KIF13A: variants seen among roughly 807,000 people sequenced by gnomAD.
KIF13A encodes kinesin-like protein KIF13A.
A neutral mutation model predicts 212.2 loss-of-function variants in KIF13A; 79 were observed. That is an observed-to-expected ratio of 0.37 (90% CI 0.31 to 0.45). The LOEUF is 0.45. Ranked by LOEUF, KIF13A falls within the 20% of genes least tolerant of loss-of-function variation. KIF13A has a pLI of 1.00. For synonymous variants in KIF13A, 789 were observed against 808.6 expected (o/e 0.98, Z 0.41); for missense variants, 1,901 against 2,209.0 (o/e 0.86, Z 2.79).
rs766252941 is a variant in KIF13A, at chr6:17,764,074, G to A, written c.*36C>T. 2 of 1,588,992 alleles carry A rather than the reference G, an allele frequency of 1.3e-6. No homozygotes were observed. The highest frequency in any genetic ancestry group is 3.5e-5 in the Admixed American group (2 of 57,432). On this transcript the variant is annotated 3_prime_UTR_variant, in exon 39 of 39. Transcript: ENST00000259711. This position sits in a 1 kb window ranked among gnomAD's most constrained non-coding sequence, Gnocchi z 5.1. The stretch of plus-strand genomic sequence containing the variant: ...ATCTTTCCTACCAAGTTGTTGCGGT[G>A]AAGGGCCTCTGGGGTTGACATACAG...
Position 17,794,931 on chromosome 6 carries a change from G to C in KIF13A, c.2943-227C>G. The C allele has an allele frequency of 2.1e-6, 1 of 478,280 alleles. No individual in the cohort carries two copies. 29.6% of individuals were successfully genotyped at this position (478,280 alleles called of 1,614,324 possible). On this transcript the variant is annotated intron_variant, in intron 23 of 38. Transcript: ENST00000259711. This position sits in a 1 kb window ranked among gnomAD's most constrained non-coding sequence, Gnocchi z 4.1. ...TGTCCACATCTTGAGTATAGAGCTC[G>C]ATGAGTTTTGAGAAATGCACATATG...
rs567560534 is a variant in KIF13A at position 17,825,451 on chromosome 6, C to T, written c.1786+317G>A. 2.0e-4 allele frequency among the ~76,000 whole-genome samples: 30 copies of T among 152,098 alleles called. No homozygotes were observed. The highest frequency in any genetic ancestry group is 3.4e-3 in the Middle Eastern group (1 of 294). On this transcript the variant is annotated intron_variant, in intron 16 of 38. Transcript: ENST00000259711. This position sits in a 1 kb window ranked among gnomAD's most constrained non-coding sequence, Gnocchi z 4.5. ...CTCAAGGATTCAGATATGACAGGCT[C>T]GATGATGAGAAATTTGGTAAGGAAT...
At chr6:17,868,237 A>G (rs1248546299) in intron 4 of KIF13A, among the ~76,000 whole-genome samples, 4 of 152,184 alleles carry the variant, frequency 2.6e-5, no homozygotes, top group African/African-American at 9.7e-5. Flanking sequence ...TTTTGATATG[A>G]AGATTTCTGT....
At chr6:17,866,580 T>C (rs1769391067) in intron 4 of KIF13A, among the ~76,000 whole-genome samples, 1 of 152,114 alleles carries the variant, frequency 6.6e-6, no homozygotes, top group South Asian at 2.1e-4. Context: ...TCTACCTGAC[T>C]GGGTGCTTTG....
At chr6:17,851,765 C>A (rs978906372) in intron 7 of KIF13A, among the ~76,000 whole-genome samples, 190 bp downstream of exon 7, 1 of 152,248 alleles carries the variant, frequency 6.6e-6, no homozygotes, top group African/African-American at 2.4e-5. Context: ...AAAACCTTCA[C>A]AACAAAGCAG....
chr6:17,862,911 G>C (rs889204748), intron 4 of KIF13A, among the ~76,000 whole-genome samples: 2 of 152,196 alleles, frequency 1.3e-5, no homozygotes, highest in Non-Finnish European at 1.5e-5. Context: ...TCGCGCCACT[G>C]CACTCCAGCT....
intron 29 of KIF13A, among the ~76,000 whole-genome samples, chr6:17,781,936 T>C (rs375322403): frequency 1.3e-5 from 2 of 151,922 alleles, no homozygotes; most frequent in East Asian, 3.9e-4. Flanking sequence ...ACAGCTTTTA[T>C]TCTTTTTTTG....
chr6:17,901,177 G>A (rs1773034064), intron 2 of KIF13A, among the ~76,000 whole-genome samples: 1 of 151,294 alleles, frequency 6.6e-6, no homozygotes, highest in African/African-American at 2.4e-5. Flanking sequence ...GTGATGGGCT[G>A]CTCACTCATC....
intron 38 of KIF13A, 92 bp from the exon 39 acceptor site, chr6:17,765,038 A>C (rs1758817206): frequency 7.5e-6 from 7 of 932,144 alleles, no homozygotes; most frequent in Non-Finnish European, 1.1e-5. Context: ...AAAGGCATTC[A>C]CATTCACATG....
Position 17,836,359 on chromosome 6 carries a change from A to G in KIF13A, c.1155+519T>C, listed in dbSNP as rs144731132. On this transcript the variant is annotated intron_variant, in intron 11 of 38. Transcript: ENST00000259711. ...ATATAAACAACATACTTTCCCACTG[A>G]AAGTTCAAAGGCCAACTGATTTAGG... is the stretch of plus-strand genomic sequence containing the variant. 5.3e-5 allele frequency among the ~76,000 whole-genome samples: 8 copies of G among 152,352 alleles called. No homozygotes were observed. The East Asian group carries it at 1.2e-3, about 22-fold the overall frequency.
At chr6:17,927,874 C>A (rs762029988) in intron 2 of KIF13A, among the ~76,000 whole-genome samples, 7 of 152,156 alleles carry the variant, frequency 4.6e-5, no homozygotes, top group Non-Finnish European at 7.4e-5. Flanking sequence ...GGCGTGAGCC[C>A]GTGCAGCACC....
chr6:17,906,795 G>A (rs1773544503), intron 2 of KIF13A, among the ~76,000 whole-genome samples: 1 of 152,112 alleles, frequency 6.6e-6, no homozygotes, highest in Non-Finnish European at 1.5e-5. Flanking sequence ...AGTTGGTGAG[G>A]GGAAGCTACG....
At chr6:17,957,609 G>A (rs1034460025) in intron 2 of KIF13A, among the ~76,000 whole-genome samples, 1 of 152,172 alleles carries the variant, frequency 6.6e-6, no homozygotes, top group Admixed American at 6.5e-5. Flanking sequence ...TTAAAACAGG[G>A]GGGCAGTCTT....
chr6:17,813,783 T>C (rs889306827), intron 17 of KIF13A, among the ~76,000 whole-genome samples: 1 of 152,054 alleles, frequency 6.6e-6, no homozygotes, highest in Non-Finnish European at 1.5e-5. Context: ...TCTGATCCCA[T>C]CGCCCAATTT....
rs556152177 is a variant in KIF13A at position 17,949,771 on chromosome 6, C to T, written c.146+37283G>A. ...CCTGCACTACACAGTCATTATACTG[C>T]ATATACAGTAATAAAAAAACAAGTG... On this transcript the variant is annotated intron_variant, in intron 2 of 38. Transcript: ENST00000259711. Among the ~76,000 whole-genome samples, 21 of 152,088 alleles carry T rather than the reference C, an allele frequency of 1.4e-4. 1 individual carries two copies. The highest frequency in any genetic ancestry group is 6.2e-4 in the South Asian group (3 of 4,832).
chr6:17,933,384 C>T (rs999910198), intron 2 of KIF13A, among the ~76,000 whole-genome samples: 20 of 150,892 alleles, frequency 1.3e-4, no homozygotes, highest in South Asian at 6.3e-4. Context: ...GTAGCTGGCA[C>T]GCACCACCAC....
intron 2 of KIF13A, among the ~76,000 whole-genome samples, chr6:17,905,377 T>C (rs1773403909): frequency 6.6e-6 from 1 of 152,136 alleles, no homozygotes; most frequent in Admixed American, 6.5e-5. Flanking sequence ...CTTAAAACCA[T>C]GCAAGAGAGA....
At chr6:17,821,679 A>T (rs1041165297) in intron 16 of KIF13A, 28 of 1,270,114 alleles carry the variant, frequency 2.2e-5, no homozygotes, top group Non-Finnish European at 1.2e-5. Context: ...GCTTCTTCCC[A>T]ATCATGTTAG....
At chr6:17,949,538 G>A (rs1212272460) in intron 2 of KIF13A, among the ~76,000 whole-genome samples, 2 of 151,738 alleles carry the variant, frequency 1.3e-5, no homozygotes, top group African/African-American at 4.8e-5. Flanking sequence ...GTCTCTTAAG[G>A]GGTAAAGAGG....
Sources: gnomAD v4.1 joint callset for allele counts (sites outside exome capture counted in the v4.1 genomes callset) on GRCh38, gnomAD v4.1.1 for gene constraint, Gnocchi (gnomAD v3.1) non-coding constraint, MANE v1.5 for transcripts, NCBI Gene and HGNC (gene_info 2026-07-23, HGNC 2026-07-21) for gene names.